The following SLC6A3 variants were observed in gnomAD, a reference collection of about 807,000 sequenced individuals.
SLC6A3 encodes the protein sodium-dependent dopamine transporter.
SLC6A3 carries 19 observed loss-of-function variants against 70.4 expected under a neutral mutation model. The ratio of observed to expected loss-of-function variants is 0.27; its 90% CI spans 0.19 to 0.40. The LOEUF is 0.40. Ranked by LOEUF, SLC6A3 falls within the 10% of genes least tolerant of loss-of-function variation. The pLI is 1.00. For missense variants in SLC6A3, 613 were observed against 838.5 expected (o/e 0.73, Z 3.32); for synonymous variants, 368 against 356.6 (o/e 1.03, Z -0.36).
chr5:1,414,204 G>A (rs1053912582), intron 8 of SLC6A3, among the ~76,000 whole-genome samples: 6 of 151,850 alleles, frequency 4.0e-5, no homozygotes, highest in African/African-American at 9.7e-5. Context: ...CCCACACCGC[G>A]TGGCAAGCAA....
chr5:1,420,493 G>C lies in SLC6A3; in HGVS notation c.927+76C>G, dbSNP rs530201443. ...TGCAACTCTGACACCTCTCAGCCCTGGCAGGCAATGCATATGGAAACCTGG... is the reference window on the plus strand; with the variant it reads ...TGCAACTCTGACACCTCTCAGCCCTCGCAGGCAATGCATATGGAAACCTGG... On this transcript the variant is annotated intron_variant, in intron 6 of 14. Transcript: ENST00000270349. 2.6e-6 allele frequency: 4 copies of C among 1,554,532 alleles called. No individual in the cohort carries two copies. In the African/African-American group the frequency reaches 5.4e-5, roughly 21 times the overall value.
chr5:1,445,133 C>A (rs1440616842), intron 1 of SLC6A3, among the ~76,000 whole-genome samples: 2 of 152,212 alleles, frequency 1.3e-5, no homozygotes, highest in Admixed American at 6.5e-5. Flanking sequence ...GGCAGCCCTG[C>A]ACCCTCCTCG....
intron 14 of SLC6A3, among the ~76,000 whole-genome samples, chr5:1,395,209 T>C (rs569089023): frequency 8.5e-5 from 13 of 152,310 alleles, no homozygotes; most frequent in African/African-American, 2.6e-4. Context: ...ACGCTACCTC[T>C]GCAGCTCCAT....
At chr5:1,434,525 G>C (rs1243577805) in intron 3 of SLC6A3, among the ~76,000 whole-genome samples, 1 of 152,230 alleles carries the variant, frequency 6.6e-6, no homozygotes, top group Non-Finnish European at 1.5e-5. Flanking sequence ...TGGGCAGATG[G>C]GCCTGGTGGT....
At chr5:1,414,484 T>TGGGTGGCGGGCCG (rs1560913014) in intron 8 of SLC6A3, among the ~76,000 whole-genome samples, 1 of 21,454 alleles carries the variant, frequency 4.7e-5, no homozygotes, top group Non-Finnish European at 9.1e-5. Context: ...GTGGGGGGCC[T>TGGGTGGCGGGCCG]GGAGGGTCAG....
At chr5:1,414,060 G>C (rs556385172) in intron 8 of SLC6A3, among the ~76,000 whole-genome samples, 1 of 152,316 alleles carries the variant, frequency 6.6e-6, no homozygotes, top group South Asian at 2.1e-4. Context: ...TGGGGAGCGG[G>C]CAGGGACACC....
intron 12 of SLC6A3, 123 bp from the exon 13 acceptor site, chr5:1,403,212 C>T: frequency 9.0e-7 from 1 of 1,105,328 alleles, no homozygotes; most frequent in Non-Finnish European, 1.3e-6. Flanking sequence ...AGGTGCAGAC[C>T]CCGGCCAGGC....
intron 7 of SLC6A3, 99 bp from the exon 8 acceptor site, chr5:1,414,914 C>A: frequency 6.6e-7 from 1 of 1,517,766 alleles, no homozygotes; most frequent in Non-Finnish European, 9.1e-7. Flanking sequence ...GGGAAGGGGG[C>A]GGGAGGTCTT....
At position 1,394,703 on chromosome 5, in the gene SLC6A3, A is replaced by G. The variant is rs947465356; in HGVS notation, c.*32T>C. ...TTGTTCGTGTCTCTCCCATTGCAGG[A>G]TGACTTCCTGGGGTCTTCGTCTCTG... On this transcript the variant is annotated 3_prime_UTR_variant, in exon 15 of 15. Transcript: ENST00000270349. This position sits in a 1 kb window ranked among gnomAD's most constrained non-coding sequence, Gnocchi z 4.7. 3.7e-6 allele frequency: 6 copies of G among 1,611,262 alleles called. No homozygotes were observed. The African/African-American group carries it at 5.3e-5, about 14-fold the overall frequency.
chr5:1,416,285 C>G (rs1259115319), intron 6 of SLC6A3, 84 bp from the exon 7 acceptor site: 1 of 967,104 alleles, frequency 1.0e-6, no homozygotes, highest in East Asian at 2.5e-5. Context: ...CCTGTCCCAG[C>G]CCCACACTGA....
At chr5:1,415,947 C>T (rs1383204982) in intron 7 of SLC6A3, 151 bp downstream of exon 7, 1 of 694,646 alleles carries the variant, frequency 1.4e-6, no homozygotes, top group Non-Finnish European at 2.6e-6. Flanking sequence ...AGCTGCCTCG[C>T]TGTCGCTTCT....
chr5:1,443,867 G>GTTT (rs1242561019), intron 1 of SLC6A3, among the ~76,000 whole-genome samples: 1 of 151,560 alleles, frequency 6.6e-6, no homozygotes, highest in African/African-American at 2.4e-5. Context: ...TGTTGTTGTT[G>GTTT]TTGTTTTTTT....
chr5:1,419,992 C>T (rs1756396837), intron 6 of SLC6A3, among the ~76,000 whole-genome samples: 1 of 152,158 alleles, frequency 6.6e-6, no homozygotes, highest in African/African-American at 2.4e-5. Context: ...CACCGGCCCA[C>T]CCACACAGGG....
rs147182297 is a variant in SLC6A3 at position 1,438,945 on chromosome 5, G to A, written c.418+2414C>T. On this transcript the variant is annotated intron_variant, in intron 3 of 14. Coordinates refer to ENST00000270349, the MANE Select transcript of SLC6A3 (RefSeq NM_001044.5). The surrounding 1 kb of genome is among the most constrained non-coding windows in gnomAD (Gnocchi z 6.5). Reference sequence around the variant, plus strand: ...TGAGCCCTCAGATACTCTCCAACACGGACCACGGTGCAAGCTCAGCATCGC... The same window carrying A: ...TGAGCCCTCAGATACTCTCCAACACAGACCACGGTGCAAGCTCAGCATCGC... 9.2e-4 allele frequency among the ~76,000 whole-genome samples: 140 copies of A among 152,278 alleles called. 1 individual carries two copies. Among genetic ancestry groups the A allele is most frequent in the Admixed American group, 4.0e-3 (61 of 15,298 alleles).
Position 1,402,535 on chromosome 5 carries a change from T to C in SLC6A3, c.1767+387A>G, listed in dbSNP as rs1282985302. Among the ~76,000 whole-genome samples the C allele has an allele frequency of 6.6e-6, 1 of 151,862 alleles. No individual in the cohort carries two copies. The highest frequency in any genetic ancestry group is 1.5e-5 in the Non-Finnish European group (1 of 67,990). ...AGTGTGTAGGCATGCATGCACTCAG[T>C]ACACACAAACACTTGGACACGAATG... On this transcript the variant is annotated intron_variant, in intron 13 of 14. Transcript: ENST00000270349. This position sits in a 1 kb window ranked among gnomAD's most constrained non-coding sequence, Gnocchi z 8.5.
chr5:1,406,595 C>T lies in SLC6A3; in HGVS notation c.1499-307G>A, dbSNP rs903194945. On this transcript the variant is annotated intron_variant, in intron 11 of 14. Coordinates refer to ENST00000270349, the MANE Select transcript of SLC6A3 (RefSeq NM_001044.5). The surrounding 1 kb of genome is among the most constrained non-coding windows in gnomAD (Gnocchi z 8.8). ...CTCCCCATCCCATGGCTCTCCCTGT[C>T]TCCCTCTGCTGCTGGTACTTCTTGT... Among the ~76,000 whole-genome samples, 6 of 152,240 alleles carry T rather than the reference C, an allele frequency of 3.9e-5. No individual in the cohort carries two copies. Among genetic ancestry groups the T allele is most frequent in the Non-Finnish European group, 8.8e-5 (6 of 68,044 alleles).
At chr5:1,399,661 G>T (rs894747517) in intron 14 of SLC6A3, among the ~76,000 whole-genome samples, 1 of 152,194 alleles carries the variant, frequency 6.6e-6, no homozygotes, top group African/African-American at 2.4e-5. Flanking sequence ...CCTCTGGATG[G>T]ATGGGATGGG....
chr5:1,421,731 A>C lies in SLC6A3; in HGVS notation c.792+145T>G. 2.3e-6 allele frequency: 2 copies of C among 868,442 alleles called. No individual in the cohort carries two copies. The highest frequency in any genetic ancestry group is 4.7e-4 in the Middle Eastern group (2 of 4,224). 53.8% of individuals were successfully genotyped at this position (868,442 alleles called of 1,614,324 possible). On this transcript the variant is annotated intron_variant, in intron 5 of 14. Coordinates refer to ENST00000270349, the MANE Select transcript of SLC6A3 (RefSeq NM_001044.5). This position sits in a 1 kb window ranked among gnomAD's most constrained non-coding sequence, Gnocchi z 7.2. The stretch of plus-strand genomic sequence containing the variant: ...GAGTCTCCCAAACTCAACCATGGCC[A>C]TGTGTCCACCCCAACCTGGCCATGG...
chr5:1,430,317 C>T (rs188030508), intron 4 of SLC6A3, among the ~76,000 whole-genome samples: 153 of 152,346 alleles, frequency 1.0e-3, no homozygotes, highest in Admixed American at 2.4e-3. Flanking sequence ...GCTCACCCCA[C>T]GCGACCCATG....
Sources: allele counts gnomAD v4.1 joint callset (sites outside exome capture counted in the v4.1 genomes callset), GRCh38; gene constraint gnomAD v4.1.1; non-coding constraint Gnocchi (gnomAD v3.1); transcripts MANE v1.5; gene names NCBI Gene and HGNC (gene_info 2026-07-23, HGNC 2026-07-21).